Variants in LRMDA observed in about 807,000 individuals in gnomAD.
The protein encoded by LRMDA is leucine-rich melanocyte differentiation-associated protein.
Under a neutral mutation model 29.8 loss-of-function variants are expected in LRMDA, and 18 were observed. The observed-to-expected ratio is 0.60, with a 90% CI of 0.42 to 0.90. LRMDA has a LOEUF of 0.90. Ranked by LOEUF, LRMDA falls within the 40% of genes least tolerant of loss-of-function variation. The probability of loss-of-function intolerance (pLI) is 0.00; values close to 1 mark genes in which losing one functional copy is unlikely to be tolerated. For synonymous variants in LRMDA, 125 were observed against 109.4 expected, an observed-to-expected ratio of 1.14 and a Z score of -0.89; for missense variants, 273 against 273.9, an observed-to-expected ratio of 1.00 and a Z score of 0.02.
At chr10:75,522,802 C>T (rs1845375665) in intron 2 of LRMDA, among the ~76,000 whole-genome samples, 1 of 152,186 alleles carries the variant, frequency 6.6e-6, no homozygotes, top group Admixed American at 6.5e-5. Context: ...GGGGAAAGGG[C>T]TGAACTTCTG....
At chr10:75,792,257 G>GTGTT (rs71024564) in intron 2 of LRMDA, among the ~76,000 whole-genome samples, 3,497 of 148,416 alleles carry the variant, frequency 0.024, 65 homozygotes, top group African/African-American at 0.052. Context: ...TGAGGTACTG[G>GTGTT]TGTTTGTTTG....
chr10:76,455,033 A>G (rs1842443678), intron 6 of LRMDA, among the ~76,000 whole-genome samples: 1 of 152,192 alleles, frequency 6.6e-6, no homozygotes, highest in Non-Finnish European at 1.5e-5. Context: ...AGAGTCGGAG[A>G]GGCCATTAAA....
intron 2 of LRMDA, among the ~76,000 whole-genome samples, chr10:75,837,070 TGATATTGATATAGATATA>T (rs1181020376): frequency 3.3e-5 from 5 of 152,186 alleles, no homozygotes; most frequent in Admixed American, 1.3e-4. Context: ...ATTGATATAC[TGATATTGATATAGATATA>T]GATATTGATA....
intron 2 of LRMDA, among the ~76,000 whole-genome samples, chr10:76,013,357 C>G (rs1014218359): frequency 1.3e-5 from 2 of 150,372 alleles, no homozygotes; most frequent in Non-Finnish European, 3.0e-5. Context: ...TCATTTTTCT[C>G]CCCTTCAGTG....
intron 2 of LRMDA, among the ~76,000 whole-genome samples, chr10:75,888,437 C>G (rs1335518369): frequency 2.0e-5 from 3 of 152,192 alleles, no homozygotes; most frequent in African/African-American, 7.2e-5. Flanking sequence ...TCACTAGAAA[C>G]TCCACATCCC....
In LRMDA at chr10:75,597,295, G is replaced by T. The variant is rs147545437; in HGVS notation, c.131+158801G>T. On this transcript the variant is annotated intron_variant, in intron 2 of 6. Transcript: ENST00000611255. ...GTGATCATTTTTAGTAAGAAAAGTGGTCTGGGAGGTGGGGCTATGGACACA... is the reference window on the plus strand; with the variant it reads ...GTGATCATTTTTAGTAAGAAAAGTGTTCTGGGAGGTGGGGCTATGGACACA... Among the ~76,000 whole-genome samples, 211 of 152,328 alleles carry T rather than the reference G, an allele frequency of 1.4e-3. 1 individual carries two copies. The highest frequency in any genetic ancestry group is 4.5e-3 in the African/African-American group (188 of 41,572).
At chr10:76,045,472 CTT>C (rs1198671692) in intron 3 of LRMDA, among the ~76,000 whole-genome samples, 2 of 151,714 alleles carry the variant, frequency 1.3e-5, no homozygotes, top group African/African-American at 4.8e-5. Flanking sequence ...GTTTCCCCCT[CTT>C]TTGCTAGTTT....
intron 5 of LRMDA, among the ~76,000 whole-genome samples, chr10:76,120,188 G>A (rs1849757658): frequency 7.4e-6 from 1 of 134,796 alleles, no homozygotes; most frequent in Admixed American, 7.4e-5. Flanking sequence ...GGTATGTGTT[G>A]ATTTTTTTTT....
chr10:75,956,088 A>T (rs1044020616), intron 2 of LRMDA, among the ~76,000 whole-genome samples: 1 of 152,170 alleles, frequency 6.6e-6, no homozygotes, highest in Non-Finnish European at 1.5e-5. Flanking sequence ...TGTAGTCAAG[A>T]TATATTGTCA....
At chr10:75,499,273 A>G (rs773070788) in intron 2 of LRMDA, among the ~76,000 whole-genome samples, 1 of 152,174 alleles carries the variant, frequency 6.6e-6, no homozygotes, top group Admixed American at 6.5e-5. Flanking sequence ...AAATACAGCT[A>G]TCCTTGCCTA....
intron 6 of LRMDA, among the ~76,000 whole-genome samples, chr10:76,434,182 A>G (rs1397137601): frequency 6.6e-6 from 1 of 151,902 alleles, no homozygotes; most frequent in Non-Finnish European, 1.5e-5. Context: ...GAACTTTAAT[A>G]TCTTATTTTT....
At chr10:76,556,877 T>TAAG (rs1843564267) in intron 6 of LRMDA, among the ~76,000 whole-genome samples, 1 of 152,144 alleles carries the variant, frequency 6.6e-6, no homozygotes, top group African/African-American at 2.4e-5. Context: ...GAAACTCTAC[T>TAAG]AAGGGAAACT....
At chr10:75,977,291 C>T (rs1054605759) in intron 2 of LRMDA, among the ~76,000 whole-genome samples, 1 of 152,174 alleles carries the variant, frequency 6.6e-6, no homozygotes, top group African/African-American at 2.4e-5. Flanking sequence ...TTGCCTTTTA[C>T]AATATGCTTT....
In LRMDA at chr10:75,682,742, G is replaced by T. The variant is rs555895492; in HGVS notation, c.131+244248G>T. ...TGGGGGCTGCTTCTTGGAGGGGGTG[G>T]TGAAGTTTTATTTTCTTCCTCACAA... On this transcript the variant is annotated intron_variant, in intron 2 of 6. Transcript: ENST00000611255. Among the ~76,000 whole-genome samples, 24 of 152,168 alleles carry T rather than the reference G, an allele frequency of 1.6e-4. No homozygotes were observed. In the South Asian group the frequency reaches 4.6e-3, roughly 29 times the overall value.
chr10:75,721,711 C>G (rs992479579), intron 2 of LRMDA, among the ~76,000 whole-genome samples: 4 of 152,176 alleles, frequency 2.6e-5, no homozygotes, highest in African/African-American at 9.7e-5. Context: ...TTCCAAAGTA[C>G]ACTTTCTTTT....
chr10:75,815,258 A>G (rs1171866974), intron 2 of LRMDA, among the ~76,000 whole-genome samples: 1 of 152,364 alleles, frequency 6.6e-6, no homozygotes, highest in South Asian at 2.1e-4. Flanking sequence ...ACATAAAGAT[A>G]CCAGAGTTAT....
intron 2 of LRMDA, among the ~76,000 whole-genome samples, chr10:75,623,278 G>A (rs1009059924): frequency 1.3e-5 from 2 of 152,086 alleles, no homozygotes; most frequent in East Asian, 1.9e-4. Context: ...AGCTTTCTTC[G>A]TGGGCCCCTT....
At chr10:76,090,186 G>A (rs1167661602) in intron 5 of LRMDA, among the ~76,000 whole-genome samples, 1 of 152,172 alleles carries the variant, frequency 6.6e-6, no homozygotes, top group Non-Finnish European at 1.5e-5. Context: ...CGAGCAGTGA[G>A]GACCCAGGCG....
intron 6 of LRMDA, chr10:76,438,915 G>A (rs1186650686): frequency 6.6e-6 from 1 of 152,056 alleles, no homozygotes; most frequent in Non-Finnish European, 1.5e-5. Flanking sequence ...TGGCAATTTA[G>A]AGATACATGT....
Sources: allele counts gnomAD v4.1 joint callset (sites outside exome capture counted in the v4.1 genomes callset), GRCh38; gene constraint gnomAD v4.1.1; transcripts MANE v1.5; gene names NCBI Gene and HGNC (gene_info 2026-07-23, HGNC 2026-07-21).